CIMIP6: variants seen among roughly 807,000 people sequenced by gnomAD.
CIMIP6 encodes ciliary microtubule inner protein 6.
At chr2:54,362,240 A>T in the CIMIP6 span, among the ~76,000 whole-genome samples, 1 of 152,234 alleles carries the variant, frequency 6.6e-6, no homozygotes, top group African/African-American at 2.4e-5. Context: ...TCACAAACAA[A>T]AATTACAAAT....
At chr2:54,340,390 G>A in the CIMIP6 span, among the ~76,000 whole-genome samples, 4 of 152,200 alleles carry the variant, frequency 2.6e-5, no homozygotes, top group Non-Finnish European at 4.4e-5. Flanking sequence ...AGGTAAAGAC[G>A]AGGCTCCATC....
the CIMIP6 span, among the ~76,000 whole-genome samples, chr2:54,371,617 G>T: frequency 6.6e-6 from 1 of 152,258 alleles, no homozygotes; most frequent in Admixed American, 6.5e-5. Context: ...TGCTGTTGCA[G>T]TTCTCCACAT....
the CIMIP6 span, among the ~76,000 whole-genome samples, chr2:54,363,097 T>G: frequency 1.3e-5 from 2 of 152,258 alleles, no homozygotes; most frequent in Non-Finnish European, 2.9e-5. Flanking sequence ...TTAAAATGTT[T>G]TGTTTGCTCT....
At chr2:54,373,772 G>A in the CIMIP6 span, among the ~76,000 whole-genome samples, 1 of 152,166 alleles carries the variant, frequency 6.6e-6, no homozygotes, top group African/African-American at 2.4e-5. Context: ...CCAAACAGTG[G>A]AAGTCTCCCA....
the CIMIP6 span, among the ~76,000 whole-genome samples, chr2:54,379,322 A>G: frequency 1.3e-5 from 2 of 152,156 alleles, no homozygotes; most frequent in Non-Finnish European, 2.9e-5. Flanking sequence ...AGCATTTCAC[A>G]TTTTATCCTT....
At chr2:54,372,242 C>G in the CIMIP6 span, among the ~76,000 whole-genome samples, 1 of 152,170 alleles carries the variant, frequency 6.6e-6, no homozygotes, top group Admixed American at 6.5e-5. Flanking sequence ...CATGCCCACC[C>G]TCTTCATCAC....
chr2:54,359,800 G>C, the CIMIP6 span, among the ~76,000 whole-genome samples: 2 of 152,088 alleles, frequency 1.3e-5, no homozygotes, highest in African/African-American at 4.8e-5. Context: ...CTTTTCATCA[G>C]CGTTAATAGG....
chr2:54,379,892 G>A, the CIMIP6 span, among the ~76,000 whole-genome samples: 2 of 151,636 alleles, frequency 1.3e-5, no homozygotes, highest in Non-Finnish European at 2.9e-5. Flanking sequence ...CAAGAGACTC[G>A]CTTGAACCCA....
At chr2:54,343,588 C>G in the CIMIP6 span, 2 of 557,410 alleles carry the variant, frequency 3.6e-6, no homozygotes, top group East Asian at 6.8e-5. Context: ...TTCCAGATTT[C>G]AGAACTCCAC....
chr2:54,378,149 A>G, the CIMIP6 span, among the ~76,000 whole-genome samples: 1 of 152,340 alleles, frequency 6.6e-6, no homozygotes, highest in East Asian at 1.9e-4. Context: ...TGGGAAAAAC[A>G]TTGACTTTAT....
At chr2:54,360,645 C>A in the CIMIP6 span, 1 of 1,307,412 alleles carries the variant, frequency 7.6e-7, no homozygotes, top group Non-Finnish European at 1.0e-6. Flanking sequence ...ATTTACTTTT[C>A]TGTTATCAGT....
At chr2:54,364,064 A>G in the CIMIP6 span, among the ~76,000 whole-genome samples, 1 of 152,366 alleles carries the variant, frequency 6.6e-6, no homozygotes, top group Non-Finnish European at 1.5e-5. Flanking sequence ...ACTGAAAGTC[A>G]TTGAACTTTC....
the CIMIP6 span, among the ~76,000 whole-genome samples, chr2:54,366,800 T>C: frequency 1.3e-5 from 2 of 151,998 alleles, no homozygotes; most frequent in Non-Finnish European, 2.9e-5. Context: ...AGAATGAGGG[T>C]AAAATATGGA....
chr2:54,350,510 G>C, the CIMIP6 span, among the ~76,000 whole-genome samples: 6 of 152,312 alleles, frequency 3.9e-5, no homozygotes, highest in African/African-American at 1.4e-4. Flanking sequence ...AGGGTAGCTG[G>C]ACTTCTTACT....
At chr2:54,369,326 A>T in the CIMIP6 span, among the ~76,000 whole-genome samples, 1 of 152,116 alleles carries the variant, frequency 6.6e-6, no homozygotes, top group South Asian at 2.1e-4. Context: ...AAAATCCTTT[A>T]CATCACTGGG....
the CIMIP6 span, chr2:54,358,884 A>G: frequency 1.3e-5 from 8 of 610,546 alleles, no homozygotes; most frequent in African/African-American, 1.4e-4. Flanking sequence ...ACCATATTTT[A>G]TATTATTAAT....
the CIMIP6 span, among the ~76,000 whole-genome samples, chr2:54,340,153 T>A: frequency 1.3e-5 from 1 of 74,456 alleles, no homozygotes; most frequent in Admixed American, 1.3e-4. Context: ...GTCCTTAGAC[T>A]GGTAGGGATA....
chr2:54,371,502 C>G, the CIMIP6 span, among the ~76,000 whole-genome samples: 1 of 152,242 alleles, frequency 6.6e-6, no homozygotes, highest in African/African-American at 2.4e-5. Flanking sequence ...GTCCTCAGTT[C>G]TGAGTGGCCC....
the CIMIP6 span, among the ~76,000 whole-genome samples, chr2:54,344,065 G>C: frequency 6.6e-6 from 1 of 152,260 alleles, no homozygotes; most frequent in South Asian, 2.1e-4. Context: ...TCCAAATGCA[G>C]TTAATATGAC....
Sources: gnomAD v4.1 joint callset for allele counts (sites outside exome capture counted in the v4.1 genomes callset) on GRCh38, gnomAD v4.1.1 for gene constraint, MANE v1.5 for transcripts, NCBI Gene and HGNC (gene_info 2026-07-23, HGNC 2026-07-21) for gene names.